Variants in PDE1A observed in about 807,000 individuals in gnomAD.
PDE1A encodes the protein dual specificity calcium/calmodulin-dependent 3',5'-cyclic nucleotide phosphodiesterase 1A.
PDE1A carries 35 observed loss-of-function variants against 61.7 expected under a neutral mutation model. The observed-to-expected ratio is 0.57, with a 90% CI of 0.43 to 0.75. The LOEUF (loss-of-function observed/expected upper bound fraction) is 0.75, where lower values mean the gene tolerates loss of function less well. Ranked by LOEUF, PDE1A falls within the 30% of genes least tolerant of loss-of-function variation. The pLI, the probability that PDE1A is intolerant of heterozygous loss-of-function variation, is 0.00. For missense variants in PDE1A, 597 were observed against 630.6 expected, an observed-to-expected ratio of 0.95 and a Z score of 0.57; for synonymous variants, 232 against 213.2, an observed-to-expected ratio of 1.09 and a Z score of -0.77.
chr2:182,522,247 G>C, intron 2 of PDE1A: 1 of 1,572,706 alleles, frequency 6.4e-7, no homozygotes, highest in Non-Finnish European at 8.7e-7. Context: ...ATCTTTTGGG[G>C]GGAAATAAAA....
At chr2:182,564,474 G>A in the PDE1A span, among the ~76,000 whole-genome samples, 1 of 152,112 alleles carries the variant, frequency 6.6e-6, no homozygotes, top group African/African-American at 2.4e-5. Context: ...CTTTCTCTCT[G>A]GCTGCCCTTA....
At chr2:182,619,030 C>CA in the PDE1A span, among the ~76,000 whole-genome samples, 1,966 of 102,920 alleles carry the variant, frequency 0.019, 15 homozygotes, top group African/African-American at 0.036. Context: ...GACTCCTCTG[C>CA]AAAAAAAAAA....
In PDE1A at chr2:182,522,486, C is replaced by T. The variant is rs1239167819; in HGVS notation, c.-10-100G>A. On this transcript the variant is annotated intron_variant, in intron 1 of 14. Transcript: ENST00000410103. ...TTATACAGTAGCCTCTCTTATCTAT[C>T]AAAACAGTGCTGATGTACAAAGCTG... is the stretch of plus-strand genomic sequence containing the variant. The T allele has an allele frequency of 7.8e-6, 12 of 1,544,072 alleles. No individual in the cohort carries two copies. In the African/African-American group the frequency reaches 1.6e-4, roughly 21 times the overall value.
In PDE1A at chr2:182,201,054, C is replaced by T. The variant is rs566004308; in HGVS notation, c.1125+385G>A. Reference sequence around the variant, plus strand: ...CCCAGCTAAAGCAATATTTCTTGGCCTCCATTAAAATTCTGGCCAACAAGA... The same window carrying T: ...CCCAGCTAAAGCAATATTTCTTGGCTTCCATTAAAATTCTGGCCAACAAGA... On this transcript the variant is annotated intron_variant, in intron 10 of 13. Coordinates refer to ENST00000351439, the Ensembl canonical transcript of PDE1A. Among the ~76,000 whole-genome samples, 26 of 152,228 alleles carry T rather than the reference C, an allele frequency of 1.7e-4. No individual in the cohort carries two copies. The East Asian group carries it at 5.0e-3, about 29-fold the overall frequency.
chr2:182,601,322 A>G, the PDE1A span, among the ~76,000 whole-genome samples: 14 of 152,212 alleles, frequency 9.2e-5, no homozygotes, highest in Non-Finnish European at 1.9e-4. Context: ...GACCAGCTAC[A>G]CTGCAAGCAG....
chr2:182,222,322 A>G (rs1688796380), intron 7 of PDE1A, among the ~76,000 whole-genome samples: 2 of 152,004 alleles, frequency 1.3e-5, no homozygotes. Context: ...TTTCAGCTCT[A>G]TGACATTTTG....
At chr2:182,380,593 A>G (rs917816721) in intron 1 of PDE1A, among the ~76,000 whole-genome samples, 3 of 152,254 alleles carry the variant, frequency 2.0e-5, no homozygotes, top group African/African-American at 7.2e-5. Context: ...ATCTTTTGAA[A>G]GAGTCATTTT....
the PDE1A span, among the ~76,000 whole-genome samples, chr2:182,567,478 G>A: frequency 6.6e-6 from 1 of 152,172 alleles, no homozygotes; most frequent in Non-Finnish European, 1.5e-5. Flanking sequence ...TACTCATTTA[G>A]ACATGAAATA....
chr2:182,560,157 C>A, the PDE1A span, among the ~76,000 whole-genome samples: 2 of 151,256 alleles, frequency 1.3e-5, no homozygotes, highest in South Asian at 4.2e-4. Context: ...TGGTGTACTG[C>A]ACCCATTAAC....
rs771164537 is a variant in PDE1A, at chr2:182,231,137, GA to G, written c.418-7del. The G allele has an allele frequency of 1.4e-6, 2 of 1,436,156 alleles. No homozygotes were observed. The highest frequency in any genetic ancestry group is 9.7e-7 in the Non-Finnish European group (1 of 1,025,666). The allele number at this position is 1,436,156 out of a possible 1,614,324, so 89.0% of individuals were successfully genotyped here. A position where few individuals can be genotyped will look rare whatever the true frequency, so the allele number is the denominator to read the frequency against. On this transcript the variant is annotated splice_region_variant and splice_polypyrimidine_tract_variant and intron_variant, in intron 4 of 13. Transcript: ENST00000351439. ...AAAGACCATTTATCAACATCCTGTA[GA>G]AAAAAGAATAAATACTTTAGGTGCC...
At chr2:182,573,990 C>CAA in the PDE1A span, among the ~76,000 whole-genome samples, 3 of 144,646 alleles carry the variant, frequency 2.1e-5, no homozygotes, top group Non-Finnish European at 4.5e-5. Flanking sequence ...CACACACACA[C>CAA]AAACATATAT....
intron 2 of PDE1A, among the ~76,000 whole-genome samples, chr2:182,443,077 G>T (rs1684896403): frequency 6.6e-6 from 1 of 151,894 alleles, no homozygotes; most frequent in African/African-American, 2.4e-5. Flanking sequence ...AGGTTTACCT[G>T]AATTCTTCAA....
At chr2:182,201,853 C>CAG in intron 8 of PDE1A, 64 bp from the exon 9 acceptor site, 1 of 951,808 alleles carries the variant, frequency 1.1e-6, no homozygotes, top group Non-Finnish European at 1.6e-6. Flanking sequence ...TGGAACACTT[C>CAG]AATAAATAAT....
At chr2:182,489,091 G>GTCGT (rs1688212011) in intron 2 of PDE1A, among the ~76,000 whole-genome samples, 5 of 152,174 alleles carry the variant, frequency 3.3e-5, no homozygotes, top group Admixed American at 2.6e-4. Context: ...GTCAAAGAGA[G>GTCGT]CTTTTCTGAG....
At chr2:182,382,220 T>C (rs555597386) in intron 1 of PDE1A, among the ~76,000 whole-genome samples, 15 of 152,286 alleles carry the variant, frequency 9.8e-5, no homozygotes, top group African/African-American at 3.6e-4. Flanking sequence ...TCTAATCACA[T>C]GAGTCCTTTA....
chr2:182,455,861 C>A (rs1685881319), intron 2 of PDE1A, among the ~76,000 whole-genome samples: 1 of 150,884 alleles, frequency 6.6e-6, no homozygotes. Flanking sequence ...ACATATGTAA[C>A]AAACCTGCAC....
At chr2:182,217,860 G>A (rs182237698) in intron 7 of PDE1A, among the ~76,000 whole-genome samples, 9 of 152,064 alleles carry the variant, frequency 5.9e-5, no homozygotes, top group Admixed American at 2.6e-4. Context: ...ATTCAGTGTG[G>A]AGATTCCTCA....
downstream of PDE1A, among the ~76,000 whole-genome samples, chr2:182,143,709 GT>G (rs1012968272): frequency 4.6e-5 from 7 of 152,068 alleles, no homozygotes; most frequent in African/African-American, 1.4e-4. Flanking sequence ...TAGACACGGG[GT>G]TTCACCGTGT....
chr2:182,464,659 TAAAG>T (rs1347330917), intron 2 of PDE1A, among the ~76,000 whole-genome samples: 1 of 151,970 alleles, frequency 6.6e-6, no homozygotes, highest in Non-Finnish European at 1.5e-5. Flanking sequence ...GAAACATCAA[TAAAG>T]AATCAGGCTC....
Sources: gnomAD v4.1 joint callset for allele counts (sites outside exome capture counted in the v4.1 genomes callset) on GRCh38, gnomAD v4.1.1 for gene constraint, MANE v1.5 for transcripts, NCBI Gene and HGNC (gene_info 2026-07-23, HGNC 2026-07-21) for gene names.